ZNF83: variants seen among roughly 807,000 people sequenced by gnomAD.
The protein encoded by ZNF83 is zinc finger protein 816B.
For synonymous variants in ZNF83, 209 were observed against 213.0 expected (o/e 0.98, Z 0.17); for missense variants, 552 against 629.9 (o/e 0.88, Z 1.32).
intron 2 of ZNF83, among the ~76,000 whole-genome samples, chr19:52,630,906 AG>A (rs1222292677): frequency 6.6e-6 from 1 of 152,040 alleles, no homozygotes. Context: ...AGGTTAGTTC[AG>A]GATCTGCACC....
intron 3 of ZNF83, chr19:52,652,301 T>G: frequency 4.1e-6 from 1 of 242,960 alleles, no homozygotes; most frequent in South Asian, 4.6e-5. Context: ...CCAGGCTTGG[T>G]GGAGCATGCT....
chr19:52,660,256 G>A (rs2061562053), intron 2 of ZNF83, among the ~76,000 whole-genome samples: 1 of 152,138 alleles, frequency 6.6e-6, no homozygotes, highest in African/African-American at 2.4e-5. Flanking sequence ...ATCTAAAAGA[G>A]GAAATGGCAA....
intron 2 of ZNF83, among the ~76,000 whole-genome samples, chr19:52,631,965 G>C (rs1164165028): frequency 7.1e-6 from 1 of 140,732 alleles, no homozygotes; most frequent in Non-Finnish European, 1.5e-5. Context: ...CATCAAGCTC[G>C]AGGATTTGCC....
chr19:52,636,211 A>T (rs917908805), intron 1 of ZNF83: 2 of 152,042 alleles, frequency 1.3e-5, no homozygotes, highest in Non-Finnish European at 2.9e-5. Context: ...GCTACTTAGG[A>T]AGCTGACGTA....
chr19:52,656,230 A>C (rs12976092), intron 2 of ZNF83, among the ~76,000 whole-genome samples: 26,504 of 146,002 alleles, frequency 0.18, 2,370 homozygotes, highest in Middle Eastern at 0.23. Flanking sequence ...CTCTCTCTAT[A>C]TATATATATA....
chr19:52,618,982 TAGAGTC>T, intron 2 of ZNF83: 1 of 1,560,588 alleles, frequency 6.4e-7, no homozygotes, highest in Non-Finnish European at 8.8e-7. Flanking sequence ...CATCTCTGTA[TAGAGTC>T]CTCTGAGCAG....
chr19:52,690,084 G>A (rs2062125654), intron 1 of ZNF83, among the ~76,000 whole-genome samples: 1 of 151,950 alleles, frequency 6.6e-6, no homozygotes, highest in Non-Finnish European at 1.5e-5. Flanking sequence ...TTCAGAGGCC[G>A]ACAAGGGCAA....
At chr19:52,675,731 A>G (rs1186910441) in intron 1 of ZNF83, among the ~76,000 whole-genome samples, 4 of 152,250 alleles carry the variant, frequency 2.6e-5, no homozygotes, top group Non-Finnish European at 5.9e-5. Flanking sequence ...GGGCAGAAGT[A>G]ATGGGCATGT....
intron 2 of ZNF83, among the ~76,000 whole-genome samples, chr19:52,631,144 T>C (rs1437940785): frequency 6.8e-6 from 1 of 147,172 alleles, no homozygotes; most frequent in Admixed American, 6.8e-5. Flanking sequence ...CCGCAAGGCT[T>C]CACAGACAGC....
Position 52,645,586 on chromosome 19 carries a change from C to T in ZNF83, c.-74+9975G>A, listed in dbSNP as rs564691515. Among the ~76,000 whole-genome samples, 44 of 152,250 alleles carry T rather than the reference C, an allele frequency of 2.9e-4. No individual in the cohort carries two copies. In the East Asian group the frequency reaches 8.1e-3, roughly 28 times the overall value. On this transcript the variant is annotated intron_variant, in intron 3 of 5. Transcript: ENST00000594682. ...CTCTGGGAGGCAAAGATGTGCAGAT[C>T]ACCTGAGGTCAGGAGTTTAAGGTCA...
At chr19:52,666,552 AGAAAAATAACTTT>A (rs2061655843) in intron 1 of ZNF83, among the ~76,000 whole-genome samples, 1 of 151,928 alleles carries the variant, frequency 6.6e-6, no homozygotes, top group South Asian at 2.1e-4. Flanking sequence ...CAGAAGAAAC[AGAAAAATAACTTT>A]TAGAGGAAAC....
At chr19:52,674,602 T>C (rs1294601554) in intron 1 of ZNF83, among the ~76,000 whole-genome samples, 1 of 152,174 alleles carries the variant, frequency 6.6e-6, no homozygotes, top group Non-Finnish European at 1.5e-5. Context: ...AGCACCAAAA[T>C]TAGTTGAATT....
chr19:52,677,144 GA>G (rs1568579987), intron 1 of ZNF83, among the ~76,000 whole-genome samples: 2 of 130,128 alleles, frequency 1.5e-5, no homozygotes, highest in East Asian at 2.1e-4. Context: ...AAGAAAAAAA[GA>G]AAAAAAAATA....
intron 2 of ZNF83, among the ~76,000 whole-genome samples, chr19:52,630,759 G>A (rs186840124): frequency 3.2e-4 from 48 of 152,088 alleles, no homozygotes; most frequent in African/African-American, 1.1e-3. Flanking sequence ...CTCAACGCCA[G>A]TATCCCATCC....
chr19:52,687,429 AAT>A lies in ZNF83; in HGVS notation c.-283+3012_-283+3013del, dbSNP rs1251954128. On this transcript the variant is annotated intron_variant, in intron 1 of 5. Transcript: ENST00000594682. Reference sequence around the variant, plus strand: ...CTATATAAATTATAATATAAATTATAATTTATATAGCTATATAAATTATAATA... The same window carrying A: ...CTATATAAATTATAATATAAATTATATTATATAGCTATATAAATTATAATA... 1.1e-4 allele frequency among the ~76,000 whole-genome samples: 2 copies of A among 18,746 alleles called. 1 individual carries two copies. Among genetic ancestry groups the A allele is most frequent in the Non-Finnish European group, 2.2e-4 (2 of 9,268 alleles). The allele number at this position is 18,746 out of a possible 152,430, so 12.3% of individuals were successfully genotyped here. A position where few individuals can be genotyped will look rare whatever the true frequency, so the allele number is the denominator to read the frequency against.
At chr19:52,641,365 G>A (rs1339404942), upstream of ZNF83, among the ~76,000 whole-genome samples, 1 of 152,164 alleles carries the variant, frequency 6.6e-6, no homozygotes, top group African/African-American at 2.4e-5. Flanking sequence ...GAAGTTTCAC[G>A]TATGTATATA....
intron 1 of ZNF83, among the ~76,000 whole-genome samples, chr19:52,688,030 A>G (rs529342420): frequency 6.6e-6 from 1 of 152,212 alleles, no homozygotes; most frequent in Admixed American, 6.5e-5. Flanking sequence ...CATGTCTCAT[A>G]GACAGGAATT....
intron 2 of ZNF83, among the ~76,000 whole-genome samples, chr19:52,626,745 C>T (rs2060751996): frequency 6.6e-6 from 1 of 152,112 alleles, no homozygotes; most frequent in Admixed American, 6.5e-5. Flanking sequence ...TAAAATTTTC[C>T]TTAAGGTGTC....
intron 3 of ZNF83, chr19:52,652,282 A>C (rs2061451863): frequency 4.2e-6 from 1 of 238,368 alleles, no homozygotes; most frequent in Non-Finnish European, 8.3e-6. Context: ...CTAAAAACAT[A>C]AAAATTAGCC....
Sources: allele counts gnomAD v4.1 joint callset (sites outside exome capture counted in the v4.1 genomes callset), GRCh38; gene constraint gnomAD v4.1.1; transcripts MANE v1.5; gene names NCBI Gene and HGNC (gene_info 2026-07-23, HGNC 2026-07-21).